SHANK1: variants seen among roughly 807,000 people sequenced by gnomAD.
SHANK1 encodes the protein SH3 and multiple ankyrin repeat domains protein 1.
SHANK1 carries 35 observed loss-of-function variants against 165.6 expected under a neutral mutation model. The ratio of observed to expected loss-of-function variants is 0.21; its 90% CI spans 0.16 to 0.28. The LOEUF (loss-of-function observed/expected upper bound fraction) is 0.28, where lower values mean the gene tolerates loss of function less well. Among genes scored for constraint, SHANK1 ranks in the 10% least tolerant of loss-of-function variants. SHANK1 has a pLI of 1.00. For synonymous variants in SHANK1, 1,428 were observed against 1,384.8 expected (o/e 1.03, Z -0.69); for missense variants, 2,681 against 3,036.4 (o/e 0.88, Z 2.75).
At position 50,688,482 on chromosome 19, in the gene SHANK1, T is replaced by A. The variant is rs1433967049; in HGVS notation, c.2172+362A>T. The stretch of plus-strand genomic sequence containing the variant: ...CTCAGGCACACAGCACCGGCTAATT[T>A]TTTTTTTAAGAGACAGGATCTTGCT... On this transcript the variant is annotated intron_variant, in intron 17 of 23. Coordinates refer to ENST00000293441, the MANE Select transcript of SHANK1 (RefSeq NM_016148.5). The surrounding 1 kb of genome is among the most constrained non-coding windows in gnomAD (Gnocchi z 6.7). 6.6e-6 allele frequency among the ~76,000 whole-genome samples: 1 copy of A among 152,048 alleles called. No homozygotes were observed. The highest frequency in any genetic ancestry group is 1.5e-5 in the Non-Finnish European group (1 of 68,008).
At position 50,683,750 on chromosome 19, in the gene SHANK1, A is replaced by G. The variant is rs531893376; in HGVS notation, c.2577+2487T>C. 2.0e-5 allele frequency among the ~76,000 whole-genome samples: 3 copies of G among 152,304 alleles called. No individual in the cohort carries two copies. In the East Asian group the frequency reaches 5.8e-4, roughly 29 times the overall value. On this transcript the variant is annotated intron_variant, in intron 21 of 23. Transcript: ENST00000293441. ...TGGGAACCCACACATAGGGCTACTC[A>G]AGATTTTCTCTGCTTTGCGCCTGTC...
Position 50,697,363 on chromosome 19 carries a change from G to A in SHANK1, c.1937+226C>T, listed in dbSNP as rs1282992176. ...ATCCCCACCCTGCCCTGACCACCCC[G>A]TTGTCTCTGGCTACCCCAGAGCTGG... is the stretch of plus-strand genomic sequence containing the variant. On this transcript the variant is annotated intron_variant, in intron 14 of 23. Transcript: ENST00000293441. The surrounding 1 kb of genome is among the most constrained non-coding windows in gnomAD (Gnocchi z 4.7). Among the ~76,000 whole-genome samples, 4 of 151,462 alleles carry A rather than the reference G, an allele frequency of 2.6e-5. No homozygotes were observed. Among genetic ancestry groups the A allele is most frequent in the Admixed American group, 6.6e-5 (1 of 15,220 alleles).
At chr19:50,673,309 G>A (rs552003288) in intron 21 of SHANK1, among the ~76,000 whole-genome samples, 7 of 152,102 alleles carry the variant, frequency 4.6e-5, no homozygotes, top group South Asian at 2.1e-4. Context: ...AAGCCCACAC[G>A]AAGACAGGTC....
intron 12 of SHANK1, among the ~76,000 whole-genome samples, chr19:50,699,493 G>T (rs1381217832): frequency 6.6e-6 from 1 of 152,210 alleles, no homozygotes; most frequent in Non-Finnish European, 1.5e-5. Flanking sequence ...TCCCTGAGGT[G>T]TGACACATAG....
In SHANK1 at chr19:50,717,479, C is replaced by T. The variant is rs565427086; in HGVS notation, c.-43-517G>A. 3.9e-5 allele frequency among the ~76,000 whole-genome samples: 6 copies of T among 152,206 alleles called. No homozygotes were observed. Among genetic ancestry groups the T allele is most frequent in the Non-Finnish European group, 8.8e-5 (6 of 68,006 alleles). Reference sequence around the variant, plus strand: ...AGGGGGAGAGGGAGGTGTGGTGAGCCTGGAGCGGGTGGAGCTGGTGACTTC... The same window carrying T: ...AGGGGGAGAGGGAGGTGTGGTGAGCTTGGAGCGGGTGGAGCTGGTGACTTC... On this transcript the variant is annotated intron_variant, in intron 1 of 23. Coordinates refer to ENST00000293441, the MANE Select transcript of SHANK1 (RefSeq NM_016148.5). The surrounding 1 kb of genome is among the most constrained non-coding windows in gnomAD (Gnocchi z 5.5).
intron 23 of SHANK1, 55 bp downstream of exon 23, chr19:50,666,137 C>T: frequency 2.0e-6 from 3 of 1,478,876 alleles, no homozygotes; most frequent in Non-Finnish European, 1.8e-6. Context: ...TAAAGGGACA[C>T]AGCCATGCCA....
In SHANK1 at chr19:50,694,640, C is replaced by A. The variant is rs1986666445; in HGVS notation, c.1964+2456G>T. Among the ~76,000 whole-genome samples, 3 of 132,410 alleles carry A rather than the reference C, an allele frequency of 2.3e-5. No individual in the cohort carries two copies. The South Asian group carries it at 8.0e-4, about 35-fold the overall frequency. 86.9% of individuals were successfully genotyped at this position (132,410 alleles called of 152,430 possible). ...CTGTGAGGGGGTGGAGGAAAAGATTCCCAGGGCTGACGAGTGCGTATTAGG... is the reference window on the plus strand; with the variant it reads ...CTGTGAGGGGGTGGAGGAAAAGATTACCAGGGCTGACGAGTGCGTATTAGG... On this transcript the variant is annotated intron_variant, in intron 15 of 23. Coordinates refer to ENST00000293441, the MANE Select transcript of SHANK1 (RefSeq NM_016148.5).
At chr19:50,710,139 GCC>G (rs1383291792) in intron 8 of SHANK1, among the ~76,000 whole-genome samples, 1 of 152,200 alleles carries the variant, frequency 6.6e-6, no homozygotes, top group Non-Finnish European at 1.5e-5. Context: ...CTGCACGAGG[GCC>G]TGGGAGTCAG....
In SHANK1 at chr19:50,661,939, C is replaced by A; in HGVS notation, c.*26G>T. On this transcript the variant is annotated 3_prime_UTR_variant, in exon 24 of 24. Coordinates refer to ENST00000293441, the MANE Select transcript of SHANK1 (RefSeq NM_016148.5). The stretch of plus-strand genomic sequence containing the variant: ...CCAGCAGGCTCAAGAGTTCTGTGGA[C>A]GGGGCTGGTCCGTCCAGGCCAGCCA... 6.2e-7 allele frequency: 1 copy of A among 1,611,756 alleles called. No homozygotes were observed.
At chr19:50,708,399 C>A (rs776460392) in intron 8 of SHANK1, among the ~76,000 whole-genome samples, 23 of 152,196 alleles carry the variant, frequency 1.5e-4, no homozygotes, top group Middle Eastern at 3.4e-3. Flanking sequence ...AAGAGAAACT[C>A]GCATTTAACG....
intron 21 of SHANK1, among the ~76,000 whole-genome samples, chr19:50,673,282 C>G (rs1373705977): frequency 6.6e-6 from 1 of 152,010 alleles, no homozygotes; most frequent in African/African-American, 2.4e-5. Flanking sequence ...TCCCCACCTC[C>G]GGCTCCCGTT....
intron 21 of SHANK1, among the ~76,000 whole-genome samples, chr19:50,673,329 G>C (rs79686170): frequency 6.6e-6 from 1 of 151,972 alleles, no homozygotes; most frequent in Non-Finnish European, 1.5e-5. Flanking sequence ...CCTGCAGGCG[G>C]GACCCAGCCC....
intron 21 of SHANK1, among the ~76,000 whole-genome samples, chr19:50,679,599 C>T (rs1465391850): frequency 6.6e-6 from 1 of 152,196 alleles, no homozygotes; most frequent in Non-Finnish European, 1.5e-5. Flanking sequence ...CCCCTTCAGT[C>T]CGCCGCCCAA....
chr19:50,709,310 T>G (rs2088981010), intron 8 of SHANK1, among the ~76,000 whole-genome samples: 1 of 151,952 alleles, frequency 6.6e-6, no homozygotes, highest in Admixed American at 6.6e-5. Flanking sequence ...GGCTAACTTT[T>G]TTTTGCATTT....
intron 21 of SHANK1, among the ~76,000 whole-genome samples, chr19:50,675,712 T>C (rs4802729): frequency 0.55 from 83,181 of 152,022 alleles, 23,315 homozygotes; most frequent in African/African-American, 0.66. Context: ...ATTTAAAATA[T>C]GGGCTGGTGC....
chr19:50,694,050 C>T (rs1986637078), intron 15 of SHANK1, among the ~76,000 whole-genome samples: 1 of 150,012 alleles, frequency 6.7e-6, no homozygotes, highest in Admixed American at 6.6e-5. Flanking sequence ...CACACACACA[C>T]ACACACACAC....
In SHANK1 at chr19:50,666,373, A is replaced by C; in HGVS notation, c.5587T>G (p.Leu1863Val). Residue 1863 changes from leucine (L) to valine (V), a missense_variant, in exon 23 of 24, where the codon TTG becomes GTG. This residue lies in a region of SHANK1 where 1,713 missense variants were observed against 1,630.2 expected (regional missense o/e 1.05). Coordinates refer to ENST00000293441, the MANE Select transcript of SHANK1 (RefSeq NM_016148.5). The part of the protein sequence containing the change: ...GPLAQPQASA[L>V]ATVKASIISE... ...ATGATGCTGGCTTTTACTGTGGCCA[A>C]GGCTGAGGCCTGAGGCTGGGCCAAG... is the stretch of plus-strand genomic sequence containing the variant. The C allele has an allele frequency of 6.2e-7, 1 of 1,613,766 alleles. No homozygotes were observed.
rs141839934 is a variant in SHANK1 at position 50,665,566 on chromosome 19, C to CAAA, written c.5768+623_5768+625dup. 7.6e-4 allele frequency among the ~76,000 whole-genome samples: 36 copies of CAAA among 47,634 alleles called. 1 individual carries two copies. The highest frequency in any genetic ancestry group is 3.8e-3 in the African/African-American group (36 of 9,560). The allele number at this position is 47,634 out of a possible 152,430, so 31.2% of individuals were successfully genotyped here. A position where few individuals can be genotyped will look rare whatever the true frequency, so the allele number is the denominator to read the frequency against. ...TGGGCAATAGAGTGAGACTCTGTCT[C>CAAA]AAAAAAAAAAAAAAAAAAAAAAAAA... On this transcript the variant is annotated intron_variant, in intron 23 of 23. Coordinates refer to ENST00000293441, the MANE Select transcript of SHANK1 (RefSeq NM_016148.5).
chr19:50,659,477 G>A lies in SHANK1; in HGVS notation c.*2488C>T, dbSNP rs1438604765. Among the ~76,000 whole-genome samples, 1 of 151,874 alleles carries A rather than the reference G, an allele frequency of 6.6e-6. No individual in the cohort carries two copies. The highest frequency in any genetic ancestry group is 1.9e-4 in the East Asian group (1 of 5,154). On this transcript the variant is annotated 3_prime_UTR_variant, in exon 24 of 24. Transcript: ENST00000293441. ...ATGAACTGAAGCCCGCGAAAGGGAA[G>A]ACCTGGGCACCGGGGCTTTCAGCGC...
Sources: allele counts gnomAD v4.1 joint callset (sites outside exome capture counted in the v4.1 genomes callset), GRCh38; gene constraint gnomAD v4.1.1; regional missense constraint gnomAD v4.1.1; non-coding constraint Gnocchi (gnomAD v3.1); transcripts MANE v1.5; gene names NCBI Gene and HGNC (gene_info 2026-07-23, HGNC 2026-07-21).